CCDC83: variants seen among roughly 807,000 people sequenced by gnomAD.
The protein encoded by CCDC83 is coiled-coil domain-containing protein 83.
CCDC83 carries 54 observed loss-of-function variants against 50.1 expected under a neutral mutation model. The ratio of observed to expected loss-of-function variants is 1.08; its 90% CI spans 0.87 to 1.35. The LOEUF (loss-of-function observed/expected upper bound fraction) is 1.35. Among genes scored for constraint, CCDC83 ranks in the 40% most tolerant of loss-of-function variants. The pLI is 0.00. For synonymous variants in CCDC83, 161 were observed against 153.3 expected (o/e 1.05, Z -0.37); for missense variants, 518 against 473.9 (o/e 1.09, Z -0.86).
intron 7 of CCDC83, among the ~76,000 whole-genome samples, chr11:85,899,310 T>C (rs1055968766): frequency 6.6e-6 from 1 of 152,236 alleles, no homozygotes; most frequent in Non-Finnish European, 1.5e-5. Flanking sequence ...TGCTTCCTCC[T>C]GGGTGATGGG....
At chr11:85,917,128 A>G (rs911394099) in intron 10 of CCDC83, among the ~76,000 whole-genome samples, 3 of 100,054 alleles carry the variant, frequency 3.0e-5, no homozygotes, top group Non-Finnish European at 5.7e-5. Context: ...AGAAAAAAGA[A>G]AAAGAAAGAG....
chr11:85,887,832 T>C (rs1469549818), intron 5 of CCDC83, among the ~76,000 whole-genome samples: 3 of 144,556 alleles, frequency 2.1e-5, no homozygotes, highest in Non-Finnish European at 4.5e-5. Context: ...AGACACGGTC[T>C]CACTCTGTCA....
At chr11:85,912,616 C>G in intron 8 of CCDC83, 1 of 1,319,354 alleles carries the variant, frequency 7.6e-7, no homozygotes, top group Non-Finnish European at 1.1e-6. Flanking sequence ...GTAGGCAATG[C>G]TCACTTTTGC....
rs145805921 is a variant in CCDC83 at position 85,887,659 on chromosome 11, C to CATATATAT, written c.511+1303_511+1310dup. 6.3e-3 allele frequency among the ~76,000 whole-genome samples: 941 copies of CATATATAT among 148,680 alleles called. 6 individuals carry two copies. The highest frequency in any genetic ancestry group is 8.9e-3 in the Non-Finnish European group (596 of 67,000). On this transcript the variant is annotated intron_variant, in intron 5 of 10. Transcript: ENST00000342404. ...ATTTAGCAGTCAGAAATATTCTATG[C>CATATATAT]ATATATATATATATATATCACAAAT...
intron 1 of CCDC83, among the ~76,000 whole-genome samples, chr11:85,860,116 G>A (rs1045329003): frequency 3.3e-5 from 5 of 151,666 alleles, no homozygotes; most frequent in African/African-American, 7.3e-5. Flanking sequence ...GTGAAACCCC[G>A]ACTCTACTAA....
At chr11:85,867,767 G>A (rs1044158527) in intron 2 of CCDC83, among the ~76,000 whole-genome samples, 2 of 152,122 alleles carry the variant, frequency 1.3e-5, no homozygotes, top group African/African-American at 4.8e-5. Flanking sequence ...TTTAACAAAG[G>A]TTTACAAAAA....
intron 1 of CCDC83, among the ~76,000 whole-genome samples, chr11:85,864,760 T>C (rs766847796): frequency 3.3e-5 from 5 of 152,180 alleles, no homozygotes. Context: ...TGCCAAACAC[T>C]GTGGAGAAAT....
At position 85,917,158 on chromosome 11, in the gene CCDC83, G is replaced by A. The variant is rs1457413788; in HGVS notation, c.1080+925G>A. 6.3e-3 allele frequency among the ~76,000 whole-genome samples: 421 copies of A among 66,804 alleles called. 7 individuals carry two copies. The highest frequency in any genetic ancestry group is 0.021 in the African/African-American group (393 of 18,822). 43.8% of individuals were successfully genotyped at this position (66,804 alleles called of 152,430 possible). A position where few individuals can be genotyped will look rare whatever the true frequency, so the allele number is the denominator to read the frequency against. ...AAAGAGAGAGAGAGAGAGAGAGAGA[G>A]AGAGAGAGAGAAAGAAAGAAAGAAA... On this transcript the variant is annotated intron_variant, in intron 10 of 10. Coordinates refer to ENST00000342404, the MANE Select transcript of CCDC83 (RefSeq NM_001286159.2).
intron 7 of CCDC83, among the ~76,000 whole-genome samples, chr11:85,904,597 A>G (rs2093416790): frequency 1.3e-5 from 2 of 152,248 alleles, no homozygotes; most frequent in African/African-American, 4.8e-5. Context: ...TCTCAAATGT[A>G]CATCTTCAGC....
rs1333134332 is a variant in CCDC83 at position 85,919,716 on chromosome 11, T to A, written c.*206T>A. 1.9e-6 allele frequency: 1 copy of A among 518,674 alleles called. No homozygotes were observed. Among genetic ancestry groups the A allele is most frequent in the Non-Finnish European group, 3.4e-6 (1 of 295,478 alleles). 32.1% of individuals were successfully genotyped at this position (518,674 alleles called of 1,614,324 possible). A position where few individuals can be genotyped will look rare whatever the true frequency, so the allele number is the denominator to read the frequency against. On this transcript the variant is annotated 3_prime_UTR_variant, in exon 11 of 11. Transcript: ENST00000342404. ...GTGACCAAAACGGAAGCACGCTTTG[T>A]ATTTCTACACTGAAGTATTCAGAAG...
At chr11:85,859,430 G>T (rs1281490416) in intron 1 of CCDC83, among the ~76,000 whole-genome samples, 5 of 152,068 alleles carry the variant, frequency 3.3e-5, no homozygotes, top group African/African-American at 1.2e-4. Flanking sequence ...ATATTACAAG[G>T]CTACAGTAAC....
chr11:85,864,512 G>A (rs907598805), intron 1 of CCDC83, among the ~76,000 whole-genome samples: 1 of 152,062 alleles, frequency 6.6e-6, no homozygotes, highest in African/African-American at 2.4e-5. Context: ...GTTAATAGCT[G>A]ATGAGCAGTT....
intron 5 of CCDC83, 96 bp downstream of exon 5, chr11:85,886,463 C>T (rs2093327522): frequency 1.1e-6 from 1 of 952,158 alleles, no homozygotes; most frequent in Non-Finnish European, 1.5e-6. Flanking sequence ...CTGAATCATT[C>T]ATTACTCTGC....
chr11:85,873,277 C>A lies in CCDC83; in HGVS notation c.162C>A (p.Asn54Lys), dbSNP rs143615039. 1.3e-6 allele frequency: 2 copies of A among 1,490,828 alleles called. No individual in the cohort carries two copies. The highest frequency in any genetic ancestry group is 1.8e-6 in the Non-Finnish European group (2 of 1,092,334). 92.3% of individuals were successfully genotyped at this position (1,490,828 alleles called of 1,614,324 possible). Residue 54 changes from asparagine to lysine, a missense_variant, in exon 3 of 11, where the codon AAC (asparagine) becomes AAA (lysine). Coordinates refer to ENST00000342404, the MANE Select transcript of CCDC83 (RefSeq NM_001286159.2). ...AAATAAAGACACTTAGGAAAAAGAA[C>A]CAAAAATATCATGAAAGAGTGAGTA... ...MFQIKTLRKKNQKYHERNSRL... is the reference protein window; with the variant it reads ...MFQIKTLRKKKQKYHERNSRL...
chr11:85,864,521 T>C (rs1248204777), intron 1 of CCDC83, among the ~76,000 whole-genome samples: 2 of 152,174 alleles, frequency 1.3e-5, no homozygotes, highest in East Asian at 3.8e-4. Flanking sequence ...TGATGAGCAG[T>C]TATTAGTACA....
chr11:85,865,663 G>A (rs555536938), intron 2 of CCDC83, among the ~76,000 whole-genome samples: 74 of 152,268 alleles, frequency 4.9e-4, no homozygotes, highest in Non-Finnish European at 9.7e-4. Context: ...CAAAGCAGGC[G>A]GATCACCTGA....
At chr11:85,878,005 G>C (rs2093278077) in intron 3 of CCDC83, among the ~76,000 whole-genome samples, 2 of 152,150 alleles carry the variant, frequency 1.3e-5, no homozygotes, top group South Asian at 4.1e-4. Flanking sequence ...AACAAAACAT[G>C]AATCTATTTC....
intron 3 of CCDC83, among the ~76,000 whole-genome samples, chr11:85,876,024 T>C (rs936791437): frequency 1.3e-5 from 2 of 152,174 alleles, no homozygotes; most frequent in African/African-American, 4.8e-5. Context: ...TTTAGTCCTT[T>C]CTTTACCTCT....
At chr11:85,882,444 G>C (rs755398542) in intron 3 of CCDC83, 69 bp from the exon 4 acceptor site, 25 of 1,489,352 alleles carry the variant, frequency 1.7e-5, no homozygotes, top group Non-Finnish European at 2.1e-5. Context: ...GGAACTTCTT[G>C]ACTCTATTTT....
Sources: allele counts gnomAD v4.1 joint callset (sites outside exome capture counted in the v4.1 genomes callset), GRCh38; gene constraint gnomAD v4.1.1; transcripts MANE v1.5; gene names NCBI Gene and HGNC (gene_info 2026-07-23, HGNC 2026-07-21).